The following TAC4 variants were observed in gnomAD, a reference collection of about 807,000 sequenced individuals.
TAC4 encodes the protein tachykinin precursor 4, also known as tachykinin-4.
A neutral mutation model predicts 17.7 loss-of-function variants in TAC4; 17 were observed. The observed-to-expected ratio is 0.96, with a 90% confidence interval of 0.66 to 1.44. TAC4 has a LOEUF of 1.44. TAC4 is among the 40% of genes most tolerant of loss of function. TAC4 has a pLI of 0.00. For missense variants in TAC4, 118 were observed against 125.6 expected (o/e 0.94, Z 0.29); for synonymous variants, 62 against 52.4 (o/e 1.18, Z -0.79).
rs770318409 is a variant in TAC4, at chr17:49,844,098, G to T, written c.165C>A (p.Ser55Arg). 36 of 1,613,950 alleles carry T rather than the reference G, an allele frequency of 2.2e-5. No homozygotes were observed. The highest frequency in any genetic ancestry group is 2.8e-5 in the Non-Finnish European group (33 of 1,179,834). The change falls in exon 2 of 5, where the codon AGC becomes AGA. Residue 55 changes from serine to arginine, a missense_variant. Ser to Arg is a moderately radical substitution (Grantham distance 110). Transcript: ENST00000436235. The stretch of plus-strand genomic sequence containing the variant: ...GCTTCCCCATCAGCCCAAAGAACTG[G>T]CTTGCCTTGCCCGTCTTCACCTCCT... ...QLQEVKTGKA[S>R]QFFGLMGKRV...
At chr17:49,839,496 G>A (rs2074480887) in intron 4 of TAC4, among the ~76,000 whole-genome samples, 2 of 152,206 alleles carry the variant, frequency 1.3e-5, no homozygotes, top group African/African-American at 4.8e-5. Context: ...AATGATTAGT[G>A]TAACGATCAA....
chr17:49,840,258 G>A (rs1056652287), intron 3 of TAC4, among the ~76,000 whole-genome samples: 2 of 152,128 alleles, frequency 1.3e-5, no homozygotes, highest in African/African-American at 4.8e-5. Flanking sequence ...CCAGTCTGGG[G>A]ACACCAGCCA....
chr17:49,841,611 T>C, intron 2 of TAC4, 27 bp from the exon 3 acceptor site: 2 of 1,551,520 alleles, frequency 1.3e-6, no homozygotes, highest in African/African-American at 1.4e-5. Flanking sequence ...GAATGAGGAC[T>C]ACGGACTGCA....
Position 49,841,549 on chromosome 17 carries a change from TA to T in TAC4, c.232+2del. 1 of 1,582,920 alleles carries T rather than the reference TA, an allele frequency of 6.3e-7. No individual in the cohort carries two copies. The highest frequency in any genetic ancestry group is 8.6e-7 in the Non-Finnish European group (1 of 1,165,414). ...GTTGAAGGCAGGTTTGGGCAATACT[TA>T]CCTTTTTTTCTCCTTGGCTGGATCA... On this transcript the variant is annotated splice_donor_variant, in intron 3 of 4. Coordinates refer to ENST00000436235, the MANE Select transcript of TAC4 (RefSeq NM_001077506.2). LOFTEE classifies it high-confidence loss of function.
intron 3 of TAC4, among the ~76,000 whole-genome samples, chr17:49,840,426 T>C (rs1208660121): frequency 6.6e-6 from 1 of 152,156 alleles, no homozygotes; most frequent in Non-Finnish European, 1.5e-5. Flanking sequence ...GCCTGAAGGA[T>C]GCGGTGAGTC....
Position 49,838,351 on chromosome 17 carries a change from CAG to C in TAC4, c.*289_*290del, listed in dbSNP as rs1022939916. The C allele has an allele frequency of 8.8e-5, 45 of 513,268 alleles. No homozygotes were observed. In the African/African-American group the frequency reaches 8.8e-4, roughly 10 times the overall value. 31.8% of individuals were successfully genotyped at this position (513,268 alleles called of 1,614,324 possible). Reference sequence around the variant, plus strand: ...CCTACTGTGTGCTAGGCACAGGATACAGAGTGTGCGAGTCTCCTCACTGCTGT... The same window carrying C: ...CCTACTGTGTGCTAGGCACAGGATACAGTGTGCGAGTCTCCTCACTGCTGT... On this transcript the variant is annotated 3_prime_UTR_variant, in exon 5 of 5. Coordinates refer to ENST00000436235, the MANE Select transcript of TAC4 (RefSeq NM_001077506.2).
chr17:49,845,574 A>G (rs1362159518), intron 1 of TAC4, among the ~76,000 whole-genome samples: 1 of 152,166 alleles, frequency 6.6e-6, no homozygotes, highest in Non-Finnish European at 1.5e-5. Flanking sequence ...AGAGTCTGGG[A>G]ATAGGGAGGG....
chr17:49,842,618 G>A (rs1476768581), intron 2 of TAC4, among the ~76,000 whole-genome samples: 1 of 151,906 alleles, frequency 6.6e-6, no homozygotes. Flanking sequence ...TCACAAGTTG[G>A]TTTTCTCTAT....
intron 3 of TAC4, 138 bp from the exon 4 acceptor site, chr17:49,840,047 T>G: frequency 2.9e-6 from 2 of 690,744 alleles, no homozygotes; most frequent in Non-Finnish European, 4.9e-6. Flanking sequence ...ATCATTTCTC[T>G]GTCATCCCGA....
intron 1 of TAC4, chr17:49,846,376 C>A: frequency 2.0e-6 from 1 of 502,238 alleles, no homozygotes; most frequent in South Asian, 1.9e-5. Flanking sequence ...TCCTGGGTCC[C>A]AGTGATCCTC....
intron 3 of TAC4, among the ~76,000 whole-genome samples, chr17:49,841,189 T>G (rs2074494995): frequency 6.6e-6 from 1 of 152,020 alleles, no homozygotes; most frequent in Non-Finnish European, 1.5e-5. Flanking sequence ...TGGTCCAGAT[T>G]TGCACTTTTA....
At chr17:49,841,088 G>A (rs1006732771) in intron 3 of TAC4, among the ~76,000 whole-genome samples, 49 of 151,504 alleles carry the variant, frequency 3.2e-4, no homozygotes, top group African/African-American at 1.2e-3. Context: ...TAGTCGCCAT[G>A]TTGGCCAGGC....
chr17:49,846,068 G>A (rs2074535954), intron 1 of TAC4: 1 of 448,440 alleles, frequency 2.2e-6, no homozygotes, highest in Non-Finnish European at 3.7e-6. Context: ...CAATAGGACT[G>A]ACCTTTCTCC....
chr17:49,841,864 G>A (rs1398331975), intron 2 of TAC4, among the ~76,000 whole-genome samples: 1 of 150,188 alleles, frequency 6.7e-6, no homozygotes, highest in Non-Finnish European at 1.5e-5. Context: ...TAGTTTCCCC[G>A]CTTGTGATAA....
intron 1 of TAC4, among the ~76,000 whole-genome samples, chr17:49,846,662 G>A (rs1198950095): frequency 1.3e-5 from 2 of 152,142 alleles, no homozygotes; most frequent in Non-Finnish European, 2.9e-5. Flanking sequence ...TCCAAGCCCT[G>A]TATTTTGGGA....
At chr17:49,846,945 T>G (rs746359170) in intron 1 of TAC4, 59 of 1,286,528 alleles carry the variant, frequency 4.6e-5, no homozygotes, top group Non-Finnish European at 5.0e-5. Context: ...AGGAAACTGA[T>G]GTCCAGAAAG....
intron 2 of TAC4, 59 bp downstream of exon 2, chr17:49,844,003 TTA>T: frequency 6.6e-7 from 1 of 1,506,494 alleles, no homozygotes; most frequent in Non-Finnish European, 9.2e-7. Flanking sequence ...GGCCTCTGCT[TTA>T]TGTTGCAGAA....
chr17:49,847,769 C>A (rs1279755472), intron 1 of TAC4, 144 bp downstream of exon 1: 3 of 1,414,908 alleles, frequency 2.1e-6, no homozygotes, highest in Non-Finnish European at 2.9e-6. Context: ...TTGAATCTAC[C>A]CATGGTAGAG....
At chr17:49,845,960 G>A (rs2144052618) in intron 1 of TAC4, 1 of 228,334 alleles carries the variant, frequency 4.4e-6, no homozygotes, top group Non-Finnish European at 8.8e-6. Flanking sequence ...GTCTCTTTGG[G>A]GATTTGGACC....
Sources: allele counts gnomAD v4.1 joint callset (sites outside exome capture counted in the v4.1 genomes callset), GRCh38; gene constraint gnomAD v4.1.1; transcripts MANE v1.5; gene names NCBI Gene and HGNC (gene_info 2026-07-23, HGNC 2026-07-21).